The following MAGI1 variants were observed in gnomAD, a reference collection of about 807,000 sequenced individuals.
MAGI1 encodes membrane-associated guanylate kinase, WW and PDZ domain-containing protein 1.
A neutral mutation model predicts 139.9 loss-of-function variants in MAGI1; 58 were observed. The observed-to-expected ratio is 0.41, with a 90% CI of 0.34 to 0.52. The LOEUF (loss-of-function observed/expected upper bound fraction) is 0.52. Ranked by LOEUF, MAGI1 falls within the 20% of genes least tolerant of loss-of-function variation. The pLI, the probability that MAGI1 is intolerant of heterozygous loss-of-function variation, is 0.12. For synonymous variants in MAGI1, 812 were observed against 737.9 expected (o/e 1.10, Z -1.63); for missense variants, 1,874 against 1,901.6 (o/e 0.99, Z 0.27).
rs1252303746 is a variant in MAGI1 at position 65,651,086 on chromosome 3, T to C, written c.314-28998A>G. On this transcript the variant is annotated intron_variant, in intron 1 of 22. Transcript: ENST00000402939. ...CTAGTCCTCATTTTATTCTCTATAA[T>C]TCTGCTAATTTATTTTATGATAACT... is the stretch of plus-strand genomic sequence containing the variant. Among the ~76,000 whole-genome samples, 6 of 152,172 alleles carry C rather than the reference T, an allele frequency of 3.9e-5. No individual in the cohort carries two copies. In the East Asian group the frequency reaches 1.2e-3, roughly 29 times the overall value.
chr3:65,901,670 C>G (rs544014632), intron 1 of MAGI1, among the ~76,000 whole-genome samples: 1 of 152,340 alleles, frequency 6.6e-6, no homozygotes, highest in Non-Finnish European at 1.5e-5. Context: ...TCTACATACA[C>G]AAATAACTTC....
rs150904947 is a variant in MAGI1, at chr3:66,010,823, C to T, written c.313+27173G>A. Among the ~76,000 whole-genome samples the T allele has an allele frequency of 6.6e-5, 10 of 152,278 alleles. No homozygotes were observed. In the East Asian group the frequency reaches 1.9e-3, roughly 29 times the overall value. On this transcript the variant is annotated intron_variant, in intron 1 of 22. Coordinates refer to ENST00000402939, the MANE Select transcript of MAGI1 (RefSeq NM_001033057.2). Reference sequence around the variant, plus strand: ...CTTGGTGTTTACAAAGCACCTTTGCCCTCAGGATTTCCAGGCAGTGATAAA... The same window carrying T: ...CTTGGTGTTTACAAAGCACCTTTGCTCTCAGGATTTCCAGGCAGTGATAAA...
intron 1 of MAGI1, among the ~76,000 whole-genome samples, chr3:65,970,124 G>A (rs1310905338): frequency 6.6e-6 from 1 of 152,146 alleles, no homozygotes; most frequent in African/African-American, 2.4e-5. Flanking sequence ...TAAACAAATC[G>A]AGGTGTGCAT....
intron 1 of MAGI1, among the ~76,000 whole-genome samples, chr3:65,844,826 T>A (rs909248218): frequency 1.3e-5 from 2 of 152,116 alleles, no homozygotes; most frequent in Non-Finnish European, 2.9e-5. Context: ...TACCTACCAA[T>A]CACCCACTAA....
chr3:65,944,433 G>T (rs2063462613), intron 1 of MAGI1, among the ~76,000 whole-genome samples: 2 of 152,052 alleles, frequency 1.3e-5, no homozygotes, highest in South Asian at 2.1e-4. Context: ...TTGGAGGATA[G>T]TTTGAGCCCA....
intron 1 of MAGI1, among the ~76,000 whole-genome samples, chr3:65,766,923 A>C (rs1408862077): frequency 6.6e-6 from 1 of 152,146 alleles, no homozygotes; most frequent in East Asian, 1.9e-4. Flanking sequence ...AAGAGAAAGC[A>C]CACTAGCCTG....
intron 5 of MAGI1, among the ~76,000 whole-genome samples, chr3:65,461,879 T>C (rs149128680): frequency 6.6e-6 from 1 of 152,342 alleles, no homozygotes; most frequent in Non-Finnish European, 1.5e-5. Flanking sequence ...TGACTAGTGA[T>C]GATGAGCTTT....
intron 1 of MAGI1, among the ~76,000 whole-genome samples, chr3:65,812,170 A>G (rs2108202842): frequency 6.6e-6 from 1 of 152,230 alleles, no homozygotes; most frequent in Middle Eastern, 3.4e-3. Context: ...CATAATAAAT[A>G]CTTTTTTTAA....
chr3:65,664,492 A>C (rs1240543959), intron 1 of MAGI1, among the ~76,000 whole-genome samples: 1 of 152,246 alleles, frequency 6.6e-6, no homozygotes, highest in Non-Finnish European at 1.5e-5. Context: ...GGCCAAGATA[A>C]ATTAAATAAC....
At chr3:65,694,037 C>T (rs889603947) in intron 1 of MAGI1, among the ~76,000 whole-genome samples, 4 of 151,792 alleles carry the variant, frequency 2.6e-5, no homozygotes, top group Non-Finnish European at 5.9e-5. Context: ...ACTTTCTTAA[C>T]GGAGGACCAA....
chr3:65,967,160 G>A (rs1385377800), intron 1 of MAGI1, among the ~76,000 whole-genome samples: 3 of 152,074 alleles, frequency 2.0e-5, no homozygotes, highest in Non-Finnish European at 4.4e-5. Flanking sequence ...TTGAAATGCT[G>A]GAGAAACATC....
rs770994040 is a variant in MAGI1, at chr3:65,356,612, C to T, written c.4155G>A (p.Glu1385=). The T allele has an allele frequency of 1.3e-4, 207 of 1,593,656 alleles. No individual in the cohort carries two copies. Among genetic ancestry groups the T allele is most frequent in the Non-Finnish European group, 1.6e-4 (192 of 1,172,322 alleles). The change falls in exon 23 of 23, where the codon GAG becomes GAA. Residue 1385 remains glutamate, a synonymous_variant. Transcript: ENST00000402939. ...ERLLEQRRSP[E]RRRGGSPERR... Reference sequence around the variant, plus strand: ...GCTCGGGCGAGCCCCCTCTCCTGCGCTCGGGGGACCTCCTCTGCTCCAGGA... The same window carrying T: ...GCTCGGGCGAGCCCCCTCTCCTGCGTTCGGGGGACCTCCTCTGCTCCAGGA...
intron 1 of MAGI1, among the ~76,000 whole-genome samples, chr3:65,910,815 G>C (rs1464952342): frequency 1.4e-5 from 2 of 137,970 alleles, no homozygotes; most frequent in East Asian, 4.8e-4. Context: ...CAACACAGTA[G>C]ATGGGTGTCT....
intron 1 of MAGI1, among the ~76,000 whole-genome samples, chr3:65,950,090 C>CAAAAAAAAAAAAAAAAAAA (rs1269489815): frequency 1.2e-4 from 2 of 17,064 alleles, no homozygotes; most frequent in East Asian, 1.4e-3. Flanking sequence ...AAAAAAAAAA[C>CAAAAAAAAAAAAAAAAAAA]AAACAAAAAA....
At chr3:65,755,134 GAT>G (rs1420982326) in intron 1 of MAGI1, among the ~76,000 whole-genome samples, 2 of 152,054 alleles carry the variant, frequency 1.3e-5, no homozygotes, top group East Asian at 3.9e-4. Flanking sequence ...TTTTAGTAGA[GAT>G]AGGGTTTTAC....
intron 1 of MAGI1, among the ~76,000 whole-genome samples, chr3:65,813,531 G>A (rs575894100): frequency 1.3e-5 from 2 of 152,294 alleles, no homozygotes; most frequent in Non-Finnish European, 2.9e-5. Flanking sequence ...ATACTACATA[G>A]TAATGGTGGG....
At chr3:65,927,757 A>G (rs2062595211) in intron 1 of MAGI1, among the ~76,000 whole-genome samples, 1 of 152,164 alleles carries the variant, frequency 6.6e-6, no homozygotes, top group African/African-American at 2.4e-5. Context: ...AGCCAAGAGT[A>G]TGACAGGGTT....
chr3:65,718,282 G>A (rs995278270), intron 1 of MAGI1, among the ~76,000 whole-genome samples: 1 of 152,096 alleles, frequency 6.6e-6, no homozygotes, highest in African/African-American at 2.4e-5. Context: ...CATTTTGGCT[G>A]GACCTAAGAG....
At chr3:65,753,241 T>C (rs945166218) in intron 1 of MAGI1, among the ~76,000 whole-genome samples, 4 of 152,108 alleles carry the variant, frequency 2.6e-5, no homozygotes, top group Non-Finnish European at 5.9e-5. Context: ...TCAGCTCACT[T>C]TGTGAGACCT....
Sources: gnomAD v4.1 joint callset for allele counts (sites outside exome capture counted in the v4.1 genomes callset) on GRCh38, gnomAD v4.1.1 for gene constraint, MANE v1.5 for transcripts, NCBI Gene and HGNC (gene_info 2026-07-23, HGNC 2026-07-21) for gene names.